The following CRACDL variants were observed in gnomAD, a reference collection of about 807,000 sequenced individuals.
The protein encoded by CRACDL is CRACD like.
Under a neutral mutation model 70.6 loss-of-function variants are expected in CRACDL, and 26 were observed. The ratio of observed to expected loss-of-function variants is 0.37; its 90% confidence interval spans 0.27 to 0.51. The LOEUF is 0.51. CRACDL is among the 20% of genes least tolerant of loss of function. The probability of loss-of-function intolerance (pLI) is 0.94; values close to 1 mark genes in which losing one functional copy is unlikely to be tolerated. For missense variants in CRACDL, 1,283 were observed against 1,376.9 expected, an observed-to-expected ratio of 0.93 and a Z score of 1.08; for synonymous variants, 618 against 615.2, an observed-to-expected ratio of 1.00 and a Z score of -0.07.
Position 98,823,087 on chromosome 2 carries a change from C to G in CRACDL, c.1186G>C (p.Glu396Gln). The change falls in exon 7 of 10, where the codon GAA becomes CAA. Residue 396 changes from glutamate (E) to glutamine (Q), a missense_variant. Transcript: ENST00000397899. The surrounding 1 kb of genome is among the most constrained non-coding windows in gnomAD (Gnocchi z 4.0). ...DKAEEVVCAP[E>Q]DVASPFPTAI... is the part of the protein sequence containing the mutation. Reference sequence around the variant, plus strand: ...GTGGGAAACGGGCTCGCGACGTCTTCGGGAGCACAGACCACCTCCTCCGCC... The same window carrying G: ...GTGGGAAACGGGCTCGCGACGTCTTGGGGAGCACAGACCACCTCCTCCGCC... 6.3e-7 allele frequency: 1 copy of G among 1,577,452 alleles called. No individual in the cohort carries two copies. Among genetic ancestry groups the G allele is most frequent in the Middle Eastern group, 1.7e-4 (1 of 5,960 alleles).
intron 7 of CRACDL, among the ~76,000 whole-genome samples, chr2:98,803,835 C>T (rs1207863479): frequency 6.6e-6 from 1 of 152,184 alleles, no homozygotes; most frequent in Admixed American, 6.5e-5. Flanking sequence ...GCTCTGCCTG[C>T]CATCCAGGTC....
At chr2:98,799,005 A>C (rs550219573) in intron 7 of CRACDL, among the ~76,000 whole-genome samples, 1 of 152,188 alleles carries the variant, frequency 6.6e-6, no homozygotes, top group Non-Finnish European at 1.5e-5. Flanking sequence ...TCTTACAGGT[A>C]CATCAAAAGC....
intron 1 of CRACDL, among the ~76,000 whole-genome samples, chr2:98,867,937 T>A (rs1707207725): frequency 1.3e-5 from 2 of 152,216 alleles, no homozygotes; most frequent in African/African-American, 4.8e-5. Context: ...GCACAGCAGA[T>A]GTGGAGCTGA....
chr2:98,842,868 TTG>T (rs67398751), intron 2 of CRACDL, among the ~76,000 whole-genome samples: 25,054 of 144,212 alleles, frequency 0.17, 3,144 homozygotes, highest in African/African-American at 0.36. Flanking sequence ...TTGCTATAGT[TTG>T]TGTGTGTGTG....
At chr2:98,931,870 T>C (rs13385547) in intron 1 of CRACDL, among the ~76,000 whole-genome samples, 23,357 of 152,154 alleles carry the variant, frequency 0.15, 1,979 homozygotes, top group Non-Finnish European at 0.19. Flanking sequence ...CTAAATTCAC[T>C]GGGCACCGAC....
At chr2:98,933,904 C>T (rs1055786473) in intron 1 of CRACDL, among the ~76,000 whole-genome samples, 1 of 152,188 alleles carries the variant, frequency 6.6e-6, no homozygotes, top group African/African-American at 2.4e-5. Flanking sequence ...AGTCCAAGAT[C>T]AAGGCACTGG....
Position 98,835,249 on chromosome 2 carries a change from A to C in CRACDL, c.240-2252T>G, listed in dbSNP as rs549868206. Among the ~76,000 whole-genome samples the C allele has an allele frequency of 2.7e-3, 407 of 152,368 alleles. 3 individuals are homozygous for C. Among genetic ancestry groups the C allele is most frequent in the African/African-American group, 9.2e-3 (384 of 41,592 alleles). On this transcript the variant is annotated intron_variant, in intron 3 of 9. Transcript: ENST00000397899. ...TTGAAAAATAAACCATTTCCTAGCT[A>C]TATCCACTGGAAAGGTTTAGAATCA...
chr2:98,918,539 C>CAAAA (rs58312556), intron 1 of CRACDL, among the ~76,000 whole-genome samples: 55 of 66,342 alleles, frequency 8.3e-4, no homozygotes, highest in African/African-American at 2.6e-3. Flanking sequence ...TGTTGTCTAC[C>CAAAA]AAAAAAAAAA....
intron 1 of CRACDL, among the ~76,000 whole-genome samples, chr2:98,932,550 G>C (rs1410251972): frequency 6.6e-6 from 1 of 152,154 alleles, no homozygotes; most frequent in Admixed American, 6.5e-5. Flanking sequence ...AAATAGGAAC[G>C]GTGGTTTGGA....
chr2:98,844,893 G>A (rs1476748757), intron 2 of CRACDL, among the ~76,000 whole-genome samples: 1 of 152,194 alleles, frequency 6.6e-6, no homozygotes, highest in African/African-American at 2.4e-5. Flanking sequence ...CAAGGGTTGA[G>A]GTTCTCTGAA....
At chr2:98,819,372 C>A (rs546529462) in intron 7 of CRACDL, among the ~76,000 whole-genome samples, 2 of 152,342 alleles carry the variant, frequency 1.3e-5, no homozygotes, top group Admixed American at 1.3e-4. Flanking sequence ...TTCATGTGCA[C>A]AGAGAGCAAC....
At chr2:98,916,216 A>G (rs1708662030) in intron 1 of CRACDL, among the ~76,000 whole-genome samples, 1 of 152,272 alleles carries the variant, frequency 6.6e-6, no homozygotes, top group African/African-American at 2.4e-5. Context: ...TGGATGAATC[A>G]CAAAATAATC....
At chr2:98,874,573 C>T (rs1436136098) in intron 1 of CRACDL, among the ~76,000 whole-genome samples, 2 of 152,212 alleles carry the variant, frequency 1.3e-5, no homozygotes, top group Non-Finnish European at 2.9e-5. Flanking sequence ...AGAACTTGTT[C>T]TTAAAGATGG....
chr2:98,865,799 T>C (rs1226437620), intron 1 of CRACDL, among the ~76,000 whole-genome samples: 7 of 120,206 alleles, frequency 5.8e-5, no homozygotes, highest in East Asian at 2.5e-4. Flanking sequence ...GACTTTCTGC[T>C]TTTTTTTTTT....
chr2:98,826,872 G>T (rs1364481393), intron 6 of CRACDL, 103 bp downstream of exon 6: 1 of 759,274 alleles, frequency 1.3e-6, no homozygotes, highest in South Asian at 1.7e-5. Flanking sequence ...GCTCAGAGGG[G>T]GCATGAGACC....
At chr2:98,916,385 G>A (rs768909776) in intron 1 of CRACDL, among the ~76,000 whole-genome samples, 26 of 152,196 alleles carry the variant, frequency 1.7e-4, no homozygotes, top group Middle Eastern at 6.8e-3. Flanking sequence ...GGGGAAGATG[G>A]GTACGTGCAC....
chr2:98,930,189 G>T (rs1558644825), intron 1 of CRACDL, among the ~76,000 whole-genome samples: 1 of 152,116 alleles, frequency 6.6e-6, no homozygotes, highest in Non-Finnish European at 1.5e-5. Context: ...CCCCATGCAA[G>T]TGCTTCAAGT....
chr2:98,930,846 C>T (rs1318602049), intron 1 of CRACDL, among the ~76,000 whole-genome samples: 5 of 152,096 alleles, frequency 3.3e-5, no homozygotes, highest in South Asian at 2.1e-4. Flanking sequence ...GCCCTTTAAC[C>T]GTCTTACAAG....
chr2:98,899,034 C>T (rs765656440), intron 1 of CRACDL, among the ~76,000 whole-genome samples: 17 of 152,138 alleles, frequency 1.1e-4, no homozygotes, highest in Non-Finnish European at 2.5e-4. Context: ...AAAGTCAAGA[C>T]GCCAGCAACA....
Sources: allele counts gnomAD v4.1 joint callset (sites outside exome capture counted in the v4.1 genomes callset), GRCh38; gene constraint gnomAD v4.1.1; non-coding constraint Gnocchi (gnomAD v3.1); transcripts MANE v1.5; gene names NCBI Gene and HGNC (gene_info 2026-07-23, HGNC 2026-07-21).